The following SLC39A9 variants were observed in gnomAD, a reference collection of about 807,000 sequenced individuals.
SLC39A9 encodes the protein solute carrier family 39 member 9.
Under a neutral mutation model 28.4 loss-of-function variants are expected in SLC39A9, and 14 were observed. The observed-to-expected ratio is 0.49, with a 90% CI of 0.33 to 0.77. SLC39A9 has a LOEUF of 0.77. Among genes scored for constraint, SLC39A9 ranks in the 30% least tolerant of loss-of-function variants. The pLI, the probability that SLC39A9 is intolerant of heterozygous loss-of-function variation, is 0.02. For synonymous variants in SLC39A9, 119 were observed against 149.6 expected (o/e 0.80, Z 1.49); for missense variants, 283 against 381.1 (o/e 0.74, Z 2.14).
At position 69,406,994 on chromosome 14, in the gene SLC39A9, G is replaced by A. The variant is rs116539571; in HGVS notation, c.96+7529G>A. On this transcript the variant is annotated intron_variant, in intron 1 of 6. Transcript: ENST00000336643. ...GCCCCCCCAGTAGATGGGATTACAG[G>A]TGCGTGCCACCATAACCAGCTAATT... is the stretch of plus-strand genomic sequence containing the variant. Among the ~76,000 whole-genome samples, 804 of 151,052 alleles carry A rather than the reference G, an allele frequency of 5.3e-3. 5 individuals carry two copies. Among genetic ancestry groups the A allele is most frequent in the African/African-American group, 0.019 (768 of 41,146 alleles).
At chr14:69,416,084 G>T (rs1430616529) in intron 1 of SLC39A9, among the ~76,000 whole-genome samples, 1 of 139,678 alleles carries the variant, frequency 7.2e-6, no homozygotes, top group East Asian at 2.5e-4. Context: ...CCCACCCCAC[G>T]ACAGGCCCTG....
chr14:69,418,841 G>C (rs559181968), intron 1 of SLC39A9, among the ~76,000 whole-genome samples: 1 of 152,266 alleles, frequency 6.6e-6, no homozygotes, highest in East Asian at 1.9e-4. Flanking sequence ...ATTTCTGTGG[G>C]ATCAGTGGTG....
chr14:69,454,770 T>C, intron 4 of SLC39A9, 42 bp from the exon 5 acceptor site: 1 of 1,506,672 alleles, frequency 6.6e-7, no homozygotes, highest in Non-Finnish European at 9.2e-7. Context: ...TTATTGTTGT[T>C]GTTGTTTATA....
intron 3 of SLC39A9, among the ~76,000 whole-genome samples, chr14:69,447,913 CA>C (rs34116080): frequency 2.1e-3 from 208 of 97,118 alleles, no homozygotes; most frequent in Admixed American, 3.2e-3. Flanking sequence ...GCCCTGTCTC[CA>C]AAAAAAAAAA....
At chr14:69,422,009 C>T (rs902646090) in intron 1 of SLC39A9, among the ~76,000 whole-genome samples, 10 of 152,090 alleles carry the variant, frequency 6.6e-5, no homozygotes, top group African/African-American at 2.4e-4. Context: ...CCCTGGGCTG[C>T]ACTCACTGTC....
intron 1 of SLC39A9, among the ~76,000 whole-genome samples, chr14:69,413,687 A>G (rs545524302): frequency 2.0e-5 from 3 of 151,920 alleles, no homozygotes; most frequent in Non-Finnish European, 2.9e-5. Flanking sequence ...GATTCATACT[A>G]TTTTGAAAGG....
chr14:69,461,300 A>G lies in SLC39A9; in HGVS notation c.*2707A>G. On this transcript the variant is annotated 3_prime_UTR_variant, in exon 7 of 7. Transcript: ENST00000336643. Reference sequence around the variant, plus strand: ...CTTAAATGGCAAATTAAGTTAAAGAATACTACTGCTCCATTCCCCTCACTT... The same window carrying G: ...CTTAAATGGCAAATTAAGTTAAAGAGTACTACTGCTCCATTCCCCTCACTT... 9.9e-7 allele frequency: 1 copy of G among 1,008,964 alleles called. No individual in the cohort carries two copies. Among genetic ancestry groups the G allele is most frequent in the Non-Finnish European group, 1.2e-6 (1 of 844,572 alleles). The allele number at this position is 1,008,964 out of a possible 1,614,324, so 62.5% of individuals were successfully genotyped here. A position where few individuals can be genotyped will look rare whatever the true frequency, so the allele number is the denominator to read the frequency against.
intron 3 of SLC39A9, among the ~76,000 whole-genome samples, chr14:69,452,478 G>A (rs1296733042): frequency 6.6e-6 from 1 of 152,016 alleles, no homozygotes; most frequent in Non-Finnish European, 1.5e-5. Flanking sequence ...ACAGGCGCCC[G>A]CCACCATACT....
Position 69,424,193 on chromosome 14 carries a change from A to G in SLC39A9, c.196A>G (p.Ile66Val). 1 of 1,610,792 alleles carries G rather than the reference A, an allele frequency of 6.2e-7. No individual in the cohort carries two copies. Among genetic ancestry groups the G allele is most frequent in the African/African-American group, 1.3e-5 (1 of 74,992 alleles). The change falls in exon 2 of 7, where the codon ATT becomes GTT. Residue 66 changes from isoleucine (I) to valine (V), a missense_variant. Coordinates refer to ENST00000336643, the MANE Select transcript of SLC39A9 (RefSeq NM_018375.5). Reference sequence around the variant, plus strand: ...AGGAGTACATGCCCTTTATGAAGATATTCTTGAGGGTGAGAAAGGGAAGAG... The same window carrying G: ...AGGAGTACATGCCCTTTATGAAGATGTTCTTGAGGGTGAGAAAGGGAAGAG... The part of the protein sequence containing the change: ...PEGVHALYED[I>V]LEGKHHQASE...
chr14:69,405,016 CG>C (rs1254102848), intron 1 of SLC39A9, among the ~76,000 whole-genome samples: 1 of 152,088 alleles, frequency 6.6e-6, no homozygotes, highest in Non-Finnish European at 1.5e-5. Flanking sequence ...CTTCATGGGG[CG>C]GCAGGATGGA....
intron 1 of SLC39A9, among the ~76,000 whole-genome samples, chr14:69,405,762 A>G (rs1017845124): frequency 6.6e-5 from 10 of 152,198 alleles, no homozygotes; most frequent in African/African-American, 1.7e-4. Context: ...ATATGATTCA[A>G]TATTATTTTC....
intron 1 of SLC39A9, among the ~76,000 whole-genome samples, chr14:69,408,744 G>A (rs182716051): frequency 9.2e-5 from 14 of 152,304 alleles, no homozygotes; most frequent in African/African-American, 3.4e-4. Context: ...CCCTCTGAAT[G>A]TAGAAGGGGT....
chr14:69,444,294 T>A (rs1367281194), intron 3 of SLC39A9, among the ~76,000 whole-genome samples: 1 of 152,216 alleles, frequency 6.6e-6, no homozygotes, highest in African/African-American at 2.4e-5. Context: ...ATTCTACCTG[T>A]ACTCACCTCT....
At chr14:69,426,731 G>T (rs538012618) in intron 2 of SLC39A9, among the ~76,000 whole-genome samples, 1 of 152,330 alleles carries the variant, frequency 6.6e-6, no homozygotes, top group South Asian at 2.1e-4. Flanking sequence ...AAGGTCAGAA[G>T]CCTGCTGTTG....
chr14:69,406,689 A>G (rs1339953018), intron 1 of SLC39A9, among the ~76,000 whole-genome samples: 5 of 151,518 alleles, frequency 3.3e-5, no homozygotes, highest in Non-Finnish European at 7.4e-5. Flanking sequence ...CTGTCTTAAA[A>G]AAAAAAAAAA....
chr14:69,448,018 T>C (rs956098503), intron 3 of SLC39A9, among the ~76,000 whole-genome samples: 3 of 150,322 alleles, frequency 2.0e-5, no homozygotes, highest in Non-Finnish European at 4.4e-5. Flanking sequence ...ATCGAGACCA[T>C]CCTGGCTAAC....
chr14:69,432,678 G>C (rs1451158262), intron 2 of SLC39A9, among the ~76,000 whole-genome samples: 1 of 152,012 alleles, frequency 6.6e-6, no homozygotes, highest in Non-Finnish European at 1.5e-5. Flanking sequence ...CTTATAGTTT[G>C]AGGTCTTACA....
At position 69,399,013 on chromosome 14, in the gene SLC39A9, A is replaced by T. The variant is rs900177496; in HGVS notation, c.-357A>T. The T allele has an allele frequency of 6.1e-5, 14 of 229,888 alleles. No homozygotes were observed. Among genetic ancestry groups the T allele is most frequent in the African/African-American group, 2.8e-4 (12 of 42,512 alleles). The allele number at this position is 229,888 out of a possible 1,614,324, so 14.2% of individuals were successfully genotyped here. A position where few individuals can be genotyped will look rare whatever the true frequency, so the allele number is the denominator to read the frequency against. On this transcript the variant is annotated 5_prime_UTR_variant, in exon 1 of 7. Coordinates refer to ENST00000336643, the MANE Select transcript of SLC39A9 (RefSeq NM_018375.5). ...AGTCACTTACCCGCCGCCGCCTAAG[A>T]CATTGTGCCACCCTCAATCCGACAA...
Position 69,452,404 on chromosome 14 carries a change from A to G in SLC39A9, c.404-837A>G, listed in dbSNP as rs571484912. On this transcript the variant is annotated intron_variant, in intron 3 of 6. Transcript: ENST00000336643. Reference sequence around the variant, plus strand: ...GAGGGCAATGGCACAATCTCGGCTCATTGCAACTTCTGCCTCCTGGGTTCA... The same window carrying G: ...GAGGGCAATGGCACAATCTCGGCTCGTTGCAACTTCTGCCTCCTGGGTTCA... Among the ~76,000 whole-genome samples the G allele has an allele frequency of 2.0e-5, 3 of 152,298 alleles. No individual in the cohort carries two copies. In the South Asian group the frequency reaches 6.2e-4, roughly 32 times the overall value.
Sources: gnomAD v4.1 joint callset for allele counts (sites outside exome capture counted in the v4.1 genomes callset) on GRCh38, gnomAD v4.1.1 for gene constraint, MANE v1.5 for transcripts, NCBI Gene and HGNC (gene_info 2026-07-23, HGNC 2026-07-21) for gene names.